CCBE1: variants seen among roughly 807,000 people sequenced by gnomAD.
The protein encoded by CCBE1 is collagen and calcium-binding EGF domain-containing protein 1.
Under a neutral mutation model 50.0 loss-of-function variants are expected in CCBE1, and 37 were observed. That is an observed-to-expected ratio of 0.74 (90% CI 0.57 to 0.97). The LOEUF (loss-of-function observed/expected upper bound fraction) is 0.97, where lower values mean the gene tolerates loss of function less well. CCBE1 is among the 50% of genes least tolerant of loss of function. CCBE1 has a pLI of 0.00. For missense variants in CCBE1, 538 were observed against 523.8 expected, an observed-to-expected ratio of 1.03 and a Z score of -0.26; for synonymous variants, 234 against 203.7, an observed-to-expected ratio of 1.15 and a Z score of -1.27.
chr18:59,473,520 AT>A (rs1912137191), intron 3 of CCBE1, among the ~76,000 whole-genome samples: 1 of 152,114 alleles, frequency 6.6e-6, no homozygotes, highest in African/African-American at 2.4e-5. Context: ...TCTGTGTGGA[AT>A]TTTAAATTAT....
At chr18:59,454,825 A>C in intron 6 of CCBE1, 26 bp downstream of exon 6, 18 of 1,596,352 alleles carry the variant, frequency 1.1e-5, no homozygotes, top group Non-Finnish European at 1.5e-5. Flanking sequence ...ATCAGGCATC[A>C]TCGTTCCCAC....
At chr18:59,620,756 C>G (rs571352723) in intron 2 of CCBE1, among the ~76,000 whole-genome samples, 1 of 152,318 alleles carries the variant, frequency 6.6e-6, no homozygotes, top group Non-Finnish European at 1.5e-5. Context: ...CCTTCTTCTT[C>G]TGTCATGATT....
chr18:59,543,834 C>CAAAAAAAAAAAAAAAAAAA (rs10678902), intron 2 of CCBE1, among the ~76,000 whole-genome samples: 10 of 68,992 alleles, frequency 1.4e-4, no homozygotes, highest in African/African-American at 7.2e-4. Context: ...GACTCCGTCT[C>CAAAAAAAAAAAAAAAAAAA]AAAAAAAAAA....
chr18:59,481,036 G>A (rs61568876), intron 2 of CCBE1, among the ~76,000 whole-genome samples: 29,649 of 152,080 alleles, frequency 0.19, 3,204 homozygotes, highest in South Asian at 0.24. Context: ...TAACCTATAT[G>A]TTGGAATTAT....
intron 2 of CCBE1, among the ~76,000 whole-genome samples, chr18:59,572,297 T>G (rs1256011417): frequency 1.3e-5 from 2 of 152,192 alleles, no homozygotes; most frequent in Admixed American, 6.5e-5. Context: ...ATTTTATGGG[T>G]TTTTTTCCCC....
At chr18:59,448,409 C>G (rs903969806) in intron 6 of CCBE1, among the ~76,000 whole-genome samples, 1 of 152,160 alleles carries the variant, frequency 6.6e-6, no homozygotes, top group African/African-American at 2.4e-5. Flanking sequence ...TTCATACTCT[C>G]AATTTTTCAA....
chr18:59,436,875 G>A (rs1293550063), intron 10 of CCBE1, among the ~76,000 whole-genome samples: 1 of 152,172 alleles, frequency 6.6e-6, no homozygotes, highest in Non-Finnish European at 1.5e-5. Flanking sequence ...GGGAGGCTAA[G>A]GTGGGAGGAT....
chr18:59,519,223 G>A (rs1209055439), intron 2 of CCBE1, among the ~76,000 whole-genome samples: 1 of 152,180 alleles, frequency 6.6e-6, no homozygotes, highest in Non-Finnish European at 1.5e-5. Context: ...CTGTGGTCCA[G>A]CTTTTTAGCC....
chr18:59,572,887 A>G (rs956527291), intron 2 of CCBE1, among the ~76,000 whole-genome samples: 2 of 152,198 alleles, frequency 1.3e-5, no homozygotes, highest in Non-Finnish European at 2.9e-5. Flanking sequence ...CAAGGTGTCC[A>G]GTTGCTTGGA....
chr18:59,539,146 A>G (rs1428993116), intron 2 of CCBE1, among the ~76,000 whole-genome samples: 1 of 151,650 alleles, frequency 6.6e-6, no homozygotes, highest in African/African-American at 2.4e-5. Flanking sequence ...ACTGCACTCC[A>G]TCCTGGGCTA....
intron 2 of CCBE1, among the ~76,000 whole-genome samples, chr18:59,606,001 G>C (rs1476911603): frequency 1.3e-5 from 2 of 152,178 alleles, no homozygotes; most frequent in African/African-American, 4.8e-5. Flanking sequence ...TCTGCCTGAA[G>C]CACGTCACTG....
chr18:59,644,584 C>T (rs916602459), intron 2 of CCBE1, among the ~76,000 whole-genome samples: 1 of 152,242 alleles, frequency 6.6e-6, no homozygotes, highest in Admixed American at 6.5e-5. Context: ...TAACTGAATG[C>T]TGCAGTAGTT....
At chr18:59,658,412 T>C (rs1394392189) in intron 2 of CCBE1, among the ~76,000 whole-genome samples, 49 of 63,708 alleles carry the variant, frequency 7.7e-4, no homozygotes, top group African/African-American at 2.8e-3. Flanking sequence ...TATATATATA[T>C]ATATAAAGTT....
chr18:59,619,257 A>G (rs535541399), intron 2 of CCBE1, among the ~76,000 whole-genome samples: 1 of 152,270 alleles, frequency 6.6e-6, no homozygotes, highest in East Asian at 1.9e-4. Context: ...GAGGAGGGGT[A>G]CTAAATATTT....
intron 3 of CCBE1, among the ~76,000 whole-genome samples, chr18:59,472,765 TAAAG>T (rs1452587335): frequency 1.3e-5 from 2 of 152,214 alleles, no homozygotes; most frequent in African/African-American, 4.8e-5. Flanking sequence ...ACGCTGCTAA[TAAAG>T]ACATAGCTGA....
At chr18:59,584,833 A>G (rs2053154512) in intron 2 of CCBE1, among the ~76,000 whole-genome samples, 1 of 152,206 alleles carries the variant, frequency 6.6e-6, no homozygotes, top group African/African-American at 2.4e-5. Context: ...TAAATTACCC[A>G]GTCTCAGGTA....
At chr18:59,617,166 T>C (rs1224721109) in intron 2 of CCBE1, among the ~76,000 whole-genome samples, 3 of 152,146 alleles carry the variant, frequency 2.0e-5, no homozygotes, top group African/African-American at 2.4e-5. Flanking sequence ...ATAACCAAGA[T>C]CATCATCACT....
At chr18:59,642,266 G>A (rs1273373719) in intron 2 of CCBE1, among the ~76,000 whole-genome samples, 1 of 152,154 alleles carries the variant, frequency 6.6e-6, no homozygotes, top group Admixed American at 6.5e-5. Flanking sequence ...TTAAGAATCA[G>A]AGAAATGCAA....
chr18:59,632,207 C>G (rs754540300), intron 2 of CCBE1, among the ~76,000 whole-genome samples: 1 of 152,150 alleles, frequency 6.6e-6, no homozygotes, highest in Non-Finnish European at 1.5e-5. Context: ...GGCACAATGG[C>G]CTCAGGATCA....
Sources: allele counts gnomAD v4.1 joint callset (sites outside exome capture counted in the v4.1 genomes callset), GRCh38; gene constraint gnomAD v4.1.1; transcripts MANE v1.5; gene names NCBI Gene and HGNC (gene_info 2026-07-23, HGNC 2026-07-21).